Variants in PLOD2 observed in about 807,000 individuals in gnomAD.
PLOD2 encodes the protein lysine hydroxylase 2.
A neutral mutation model predicts 101.0 loss-of-function variants in PLOD2; 65 were observed. That is an observed-to-expected ratio of 0.64 (90% confidence interval 0.53 to 0.79). The LOEUF (loss-of-function observed/expected upper bound fraction) is 0.79. Ranked by LOEUF, PLOD2 falls within the 30% of genes least tolerant of loss-of-function variation. The pLI is 0.00. For missense variants in PLOD2, 909 were observed against 914.6 expected (o/e 0.99, Z 0.08); for synonymous variants, 314 against 302.9 (o/e 1.04, Z -0.38).
chr3:146,071,093 A>C lies in PLOD2; in HGVS notation c.2070T>G (p.Ala690=). 1.2e-6 allele frequency: 2 copies of C among 1,609,356 alleles called. No individual in the cohort carries two copies. The highest frequency in any genetic ancestry group is 1.7e-6 in the Non-Finnish European group (2 of 1,176,340). Residue 690 remains alanine (A), a synonymous_variant, in exon 19 of 20, where the codon GCT becomes GCG. Transcript: ENST00000282903. ...GTGCAATGTTTATGGTAAATGTAGA[A>C]GCATCATGATGAGGACGAAGAGAAC... The part of the protein sequence containing the change: ...RQRSLRPHHD[A]STFTINIALN...
In PLOD2 at chr3:146,098,487, C is replaced by T. The variant is rs188921065; in HGVS notation, c.777+4268G>A. 2.3e-3 allele frequency among the ~76,000 whole-genome samples: 357 copies of T among 151,954 alleles called. 2 individuals carry two copies. The highest frequency in any genetic ancestry group is 8.2e-3 in the African/African-American group (342 of 41,456). On this transcript the variant is annotated intron_variant, in intron 7 of 19. Coordinates refer to ENST00000282903, the MANE Select transcript of PLOD2 (RefSeq NM_182943.3). ...GAAACACAAAATTGTTTATATACTA[C>T]TATGAAAACAAAGGAAAATATAAAT... is the stretch of plus-strand genomic sequence containing the variant.
chr3:146,109,977 A>G (rs1033770598), intron 4 of PLOD2, among the ~76,000 whole-genome samples: 4 of 152,136 alleles, frequency 2.6e-5, no homozygotes, highest in East Asian at 1.9e-4. Flanking sequence ...AAAATTCTCA[A>G]TGTGTCATAA....
intron 3 of PLOD2, among the ~76,000 whole-genome samples, chr3:146,112,832 A>G (rs1937707725): frequency 1.4e-5 from 2 of 141,240 alleles, no homozygotes; most frequent in South Asian, 2.5e-4. Context: ...GCCTGGTGAC[A>G]GAGTGAGACT....
chr3:146,097,803 AAAT>A (rs372713932), intron 7 of PLOD2, among the ~76,000 whole-genome samples: 9 of 142,102 alleles, frequency 6.3e-5, no homozygotes, highest in African/African-American at 1.0e-4. Context: ...AATAAAAAAA[AAAT>A]AATAATAATA....
chr3:146,081,721 T>C lies in PLOD2; in HGVS notation c.1358+17A>G. The C allele has an allele frequency of 1.3e-6, 2 of 1,592,456 alleles. No individual in the cohort carries two copies. Among genetic ancestry groups the C allele is most frequent in the Non-Finnish European group, 1.7e-6 (2 of 1,161,128 alleles). On this transcript the variant is annotated intron_variant, in intron 12 of 19. Coordinates refer to ENST00000282903, the MANE Select transcript of PLOD2 (RefSeq NM_182943.3). ...ATTATGGTATTTCACATTAAAATATTAAACCAAGTAACTTACACTCTATTC... is the reference window on the plus strand; with the variant it reads ...ATTATGGTATTTCACATTAAAATATCAAACCAAGTAACTTACACTCTATTC...
chr3:146,151,236 G>A (rs1224794342), intron 1 of PLOD2, among the ~76,000 whole-genome samples: 7 of 152,246 alleles, frequency 4.6e-5, no homozygotes, highest in South Asian at 2.1e-4. Flanking sequence ...GGTGGCTCAC[G>A]CCTGTAATCC....
At chr3:146,140,996 G>A (rs1458174402) in intron 1 of PLOD2, among the ~76,000 whole-genome samples, 2 of 151,828 alleles carry the variant, frequency 1.3e-5, no homozygotes, top group Non-Finnish European at 2.9e-5. Context: ...AACACAACAT[G>A]TTTCTTCATT....
intron 7 of PLOD2, 86 bp from the exon 8 acceptor site, chr3:146,091,987 G>A (rs1271629354): frequency 2.7e-6 from 2 of 743,646 alleles, no homozygotes; most frequent in Non-Finnish European, 4.9e-6. Context: ...TTAAAAGCAT[G>A]TTTTCTGCAG....
chr3:146,084,159 C>T (rs1177136429), intron 11 of PLOD2, among the ~76,000 whole-genome samples: 2 of 152,058 alleles, frequency 1.3e-5, no homozygotes, highest in East Asian at 3.9e-4. Context: ...TTTCATATCT[C>T]TAGGGTGTCA....
In PLOD2 at chr3:146,111,494, A is replaced by AAAAATT. The variant is rs1937633404; in HGVS notation, c.339-1052_339-1047dup. ...TCTATATCCTCAAGTTATAATTTAAAAAAATTAAAAATAACTCCTGGCACA... is the reference window on the plus strand; with the variant it reads ...TCTATATCCTCAAGTTATAATTTAAAAAAATTAAAATTAAAAATAACTCCTGGCACA... On this transcript the variant is annotated intron_variant, in intron 3 of 19. Transcript: ENST00000282903. Among the ~76,000 whole-genome samples the AAAAATT allele has an allele frequency of 3.3e-5, 5 of 152,304 alleles. 1 individual carries two copies. In the South Asian group the frequency reaches 1.0e-3, roughly 32 times the overall value.
intron 7 of PLOD2, among the ~76,000 whole-genome samples, chr3:146,097,171 G>A (rs1490350689): frequency 1.3e-5 from 2 of 150,662 alleles, no homozygotes; most frequent in African/African-American, 2.4e-5. Flanking sequence ...GTCCGGGAGG[G>A]AGGTGGGGGG....
At chr3:146,073,167 T>C (rs1446709217) in intron 16 of PLOD2, 120 bp downstream of exon 16, 3 of 536,016 alleles carry the variant, frequency 5.6e-6, no homozygotes, top group African/African-American at 1.9e-5. Context: ...TTGAATCAAA[T>C]AAATTTTACC....
At chr3:146,096,988 C>T (rs1213957766) in intron 7 of PLOD2, among the ~76,000 whole-genome samples, 186 of 140,982 alleles carry the variant, frequency 1.3e-3, no homozygotes, top group African/African-American at 4.8e-3. Context: ...CCGCCCCGGC[C>T]GGGAGGGAGG....
intron 1 of PLOD2, 41 bp downstream of exon 1, chr3:146,160,830 CCCCCCGCCGG>C: frequency 8.6e-7 from 1 of 1,165,490 alleles, no homozygotes; most frequent in Non-Finnish European, 1.3e-6. Flanking sequence ...AATGAACTGC[CCCCCCGCCGG>C]CCGAGCCTCG....
chr3:146,071,836 C>T (rs1333958923), intron 17 of PLOD2, among the ~76,000 whole-genome samples: 1 of 151,562 alleles, frequency 6.6e-6, no homozygotes, highest in Non-Finnish European at 1.5e-5. Flanking sequence ...AACAAGCTTT[C>T]CCCGCCCTTC....
At chr3:146,146,177 A>G (rs1350807630) in intron 1 of PLOD2, among the ~76,000 whole-genome samples, 3 of 152,194 alleles carry the variant, frequency 2.0e-5, no homozygotes, top group African/African-American at 7.2e-5. Flanking sequence ...TGTAATGCTA[A>G]GCCCTTACTT....
intron 1 of PLOD2, among the ~76,000 whole-genome samples, chr3:146,139,961 T>C (rs756632399): frequency 7.2e-5 from 11 of 152,074 alleles, no homozygotes; most frequent in African/African-American, 1.2e-4. Flanking sequence ...TAGAAATGAA[T>C]GGTTCGCCAC....
intron 1 of PLOD2, among the ~76,000 whole-genome samples, chr3:146,156,065 C>T (rs982748486): frequency 3.3e-5 from 5 of 152,154 alleles, no homozygotes; most frequent in Non-Finnish European, 7.3e-5. Flanking sequence ...ATCATGAGAA[C>T]ACTACTTACA....
intron 15 of PLOD2, among the ~76,000 whole-genome samples, chr3:146,074,661 C>A (rs1314746344): frequency 1.3e-5 from 2 of 150,764 alleles, no homozygotes; most frequent in Admixed American, 6.7e-5. Context: ...GAACTTTTAC[C>A]TATAGCATTT....
Sources: gnomAD v4.1 joint callset for allele counts (sites outside exome capture counted in the v4.1 genomes callset) on GRCh38, gnomAD v4.1.1 for gene constraint, MANE v1.5 for transcripts, NCBI Gene and HGNC (gene_info 2026-07-23, HGNC 2026-07-21) for gene names.